GALNTL6: variants seen among roughly 807,000 people sequenced by gnomAD.
The protein encoded by GALNTL6 is polypeptide N-acetylgalactosaminyltransferase like 6, also known as polypeptide N-acetylgalactosaminyltransferase-like 6.
Under a neutral mutation model 73.7 loss-of-function variants are expected in GALNTL6, and 46 were observed. The ratio of observed to expected loss-of-function variants is 0.62; its 90% CI spans 0.49 to 0.80. The LOEUF is 0.80. Among genes scored for constraint, GALNTL6 ranks in the 30% least tolerant of loss-of-function variants. GALNTL6 has a pLI of 0.00. For missense variants in GALNTL6, 604 were observed against 755.0 expected, an observed-to-expected ratio of 0.80 and a Z score of 2.34; for synonymous variants, 259 against 263.7, an observed-to-expected ratio of 0.98 and a Z score of 0.17.
At chr4:172,016,340 C>T (rs1334239479) in intron 2 of GALNTL6, among the ~76,000 whole-genome samples, 1 of 151,968 alleles carries the variant, frequency 6.6e-6, no homozygotes, top group Non-Finnish European at 1.5e-5. Flanking sequence ...CTTTCTTCTA[C>T]TTGTTCTAGT....
At chr4:172,297,990 A>G (rs779270018) in intron 3 of GALNTL6, among the ~76,000 whole-genome samples, 1 of 152,144 alleles carries the variant, frequency 6.6e-6, no homozygotes, top group African/African-American at 2.4e-5. Flanking sequence ...ATGAGCATGG[A>G]ATGTTCTTCC....
At chr4:171,872,561 A>T (rs1238842248) in intron 2 of GALNTL6, among the ~76,000 whole-genome samples, 1 of 152,206 alleles carries the variant, frequency 6.6e-6, no homozygotes, top group Non-Finnish European at 1.5e-5. Context: ...ATTGTCTCAC[A>T]GTTCTGAAGG....
intron 10 of GALNTL6, among the ~76,000 whole-genome samples, chr4:172,959,768 G>A (rs1262414425): frequency 6.6e-6 from 1 of 152,192 alleles, no homozygotes; most frequent in Non-Finnish European, 1.5e-5. Flanking sequence ...GATGGGACAT[G>A]GCTTAGGAGG....
intron 5 of GALNTL6, among the ~76,000 whole-genome samples, chr4:172,680,803 T>A (rs868025910): frequency 2.0e-5 from 3 of 152,236 alleles, no homozygotes; most frequent in Admixed American, 6.5e-5. Flanking sequence ...ATATTTTATG[T>A]CTAGCATGGA....
intron 2 of GALNTL6, among the ~76,000 whole-genome samples, chr4:172,034,932 A>T (rs1741888416): frequency 6.6e-6 from 1 of 152,140 alleles, no homozygotes; most frequent in Non-Finnish European, 1.5e-5. Flanking sequence ...ATTGATGCAA[A>T]ATATATTTAT....
intron 5 of GALNTL6, among the ~76,000 whole-genome samples, chr4:172,784,549 G>A (rs554745610): frequency 1.3e-5 from 2 of 152,148 alleles, no homozygotes; most frequent in South Asian, 4.2e-4. Context: ...ACCTTCTGAA[G>A]GCTCTAGGAC....
In GALNTL6 at chr4:172,192,289, T is replaced by C. The variant is rs185108629; in HGVS notation, c.139-37367T>C. Among the ~76,000 whole-genome samples the C allele has an allele frequency of 8.6e-4, 131 of 152,222 alleles. 1 individual carries two copies. Among genetic ancestry groups the C allele is most frequent in the Non-Finnish European group, 1.4e-3 (92 of 68,008 alleles). On this transcript the variant is annotated intron_variant, in intron 2 of 12. Coordinates refer to ENST00000506823, the MANE Select transcript of GALNTL6 (RefSeq NM_001034845.3). ...AAAACTGTATCCAATGGTTTCGATA[T>C]GCAAAGACTTTGACAGACAATGTAA... is the stretch of plus-strand genomic sequence containing the variant.
chr4:172,974,611 G>A (rs1750725756), intron 10 of GALNTL6, among the ~76,000 whole-genome samples: 1 of 152,158 alleles, frequency 6.6e-6, no homozygotes, highest in African/African-American at 2.4e-5. Flanking sequence ...AAGCCTCTGT[G>A]GTATCTTTGG....
chr4:172,581,510 C>T (rs1442103465), intron 5 of GALNTL6, among the ~76,000 whole-genome samples: 1 of 152,182 alleles, frequency 6.6e-6, no homozygotes, highest in Non-Finnish European at 1.5e-5. Flanking sequence ...CTCAATCCAT[C>T]AGCTCTTCTC....
intron 5 of GALNTL6, among the ~76,000 whole-genome samples, chr4:172,697,625 G>A (rs557052907): frequency 2.2e-4 from 33 of 152,276 alleles, no homozygotes; most frequent in Admixed American, 1.6e-3. Flanking sequence ...GAAGGGCTTC[G>A]TCAGAATGTA....
At chr4:172,236,042 C>T (rs753442295) in intron 3 of GALNTL6, among the ~76,000 whole-genome samples, 1 of 151,992 alleles carries the variant, frequency 6.6e-6, no homozygotes, top group Admixed American at 6.6e-5. Context: ...TAAATTTATA[C>T]CTCCTAATTT....
chr4:172,461,529 C>T (rs1296159601), intron 5 of GALNTL6, among the ~76,000 whole-genome samples: 1 of 152,178 alleles, frequency 6.6e-6, no homozygotes, highest in African/African-American at 2.4e-5. Flanking sequence ...GTTGTAGACA[C>T]TGCTCCTCTC....
chr4:172,716,545 A>G (rs368097953), intron 5 of GALNTL6, among the ~76,000 whole-genome samples: 2 of 152,062 alleles, frequency 1.3e-5, no homozygotes, highest in East Asian at 3.9e-4. Context: ...GTCTCTGCTC[A>G]CTCCCATAAC....
At chr4:172,931,313 C>A in intron 9 of GALNTL6, 45 bp downstream of exon 9, 1 of 1,158,934 alleles carries the variant, frequency 8.6e-7, no homozygotes, top group Non-Finnish European at 1.3e-6. Flanking sequence ...ATATGGCTTT[C>A]TGTAACCAGA....
At chr4:172,987,268 G>A (rs1343271000) in intron 10 of GALNTL6, among the ~76,000 whole-genome samples, 1 of 152,116 alleles carries the variant, frequency 6.6e-6, no homozygotes, top group Non-Finnish European at 1.5e-5. Flanking sequence ...AATCATGGTG[G>A]AAGGGAAAGC....
chr4:172,396,428 T>C (rs1743852517), intron 5 of GALNTL6, among the ~76,000 whole-genome samples: 1 of 151,956 alleles, frequency 6.6e-6, no homozygotes. Context: ...TTTGAGTTCA[T>C]AACATTTTTC....
At chr4:172,056,243 G>A (rs1015315684) in intron 2 of GALNTL6, among the ~76,000 whole-genome samples, 2 of 152,066 alleles carry the variant, frequency 1.3e-5, no homozygotes, top group Non-Finnish European at 2.9e-5. Context: ...TAACATTGAA[G>A]TATGCATTTT....
rs114023000 is a variant in GALNTL6 at position 172,499,409 on chromosome 4, C to T, written c.553+150720C>T. 8.3e-3 allele frequency among the ~76,000 whole-genome samples: 1,269 copies of T among 152,288 alleles called. 10 individuals are homozygous for T. The highest frequency in any genetic ancestry group is 0.029 in the African/African-American group (1,202 of 41,562). ...ACAAGACTGAATCTGCCAGCACCTT[C>T]GTCTTAGATTTCCCAGCCTCCAGAG... is the stretch of plus-strand genomic sequence containing the variant. On this transcript the variant is annotated intron_variant, in intron 5 of 12. Coordinates refer to ENST00000506823, the MANE Select transcript of GALNTL6 (RefSeq NM_001034845.3).
chr4:172,069,419 T>C lies in GALNTL6; in HGVS notation c.139-160237T>C, dbSNP rs1410825092. ...TGTTATATATAACACATATATGTTA[T>C]ATATAACACACATATAACATATATA... On this transcript the variant is annotated intron_variant, in intron 2 of 12. Coordinates refer to ENST00000506823, the MANE Select transcript of GALNTL6 (RefSeq NM_001034845.3). Among the ~76,000 whole-genome samples, 20 of 96,218 alleles carry C rather than the reference T, an allele frequency of 2.1e-4. 5 individuals are homozygous for C. Among genetic ancestry groups the C allele is most frequent in the Non-Finnish European group, 1.8e-4 (8 of 45,366 alleles). 63.1% of individuals were successfully genotyped at this position (96,218 alleles called of 152,430 possible).
Sources: gnomAD v4.1 joint callset for allele counts (sites outside exome capture counted in the v4.1 genomes callset) on GRCh38, gnomAD v4.1.1 for gene constraint, MANE v1.5 for transcripts, NCBI Gene and HGNC (gene_info 2026-07-23, HGNC 2026-07-21) for gene names.